Variants in FADS6 observed in about 807,000 individuals in gnomAD.
FADS6 encodes the protein fatty acid desaturase domain family, member 6.
FADS6 carries 28 observed loss-of-function variants against 31.7 expected under a neutral mutation model. The observed-to-expected ratio is 0.88, with a 90% CI of 0.66 to 1.21. The LOEUF (loss-of-function observed/expected upper bound fraction) is 1.21, where lower values mean the gene tolerates loss of function less well. Ranked by LOEUF, FADS6 falls within the 50% of genes most tolerant of loss-of-function variation. FADS6 has a pLI of 0.00. For missense variants in FADS6, 494 were observed against 504.2 expected, an observed-to-expected ratio of 0.98 and a Z score of 0.19; for synonymous variants, 191 against 213.1, an observed-to-expected ratio of 0.90 and a Z score of 0.90.
intron 4 of FADS6, among the ~76,000 whole-genome samples, chr17:74,880,520 A>C (rs571733508): frequency 6.6e-6 from 1 of 151,772 alleles, no homozygotes; most frequent in Non-Finnish European, 1.5e-5. Context: ...ATGCCCAGCT[A>C]ATTTTTGTGT....
chr17:74,882,756 A>G, intron 2 of FADS6, 46 bp from the exon 3 acceptor site: 1 of 1,576,198 alleles, frequency 6.3e-7, no homozygotes, highest in Non-Finnish European at 8.6e-7. Context: ...TGTCAGGCAC[A>G]GTTGAGCAAT....
At chr17:74,881,744 A>AG (rs566685079) in intron 3 of FADS6, among the ~76,000 whole-genome samples, 1 of 151,638 alleles carries the variant, frequency 6.6e-6, no homozygotes, top group South Asian at 2.1e-4. Flanking sequence ...AAAAAAAAAA[A>AG]AAAGAAAGAA....
At chr17:74,882,880 C>T in intron 2 of FADS6, 170 bp from the exon 3 acceptor site, 1 of 1,481,502 alleles carries the variant, frequency 6.7e-7, no homozygotes, top group Non-Finnish European at 9.0e-7. Flanking sequence ...TCTCAGGTAT[C>T]TATGACCACG....
chr17:74,889,383 A>G (rs2038664005), intron 2 of FADS6, among the ~76,000 whole-genome samples: 1 of 152,250 alleles, frequency 6.6e-6, no homozygotes, highest in African/African-American at 2.4e-5. Context: ...AAGACATGGG[A>G]GGAGAGTCAG....
At chr17:74,882,449 T>C in intron 3 of FADS6, 81 bp downstream of exon 3, 1 of 1,463,590 alleles carries the variant, frequency 6.8e-7, no homozygotes. Flanking sequence ...ATAAGCAGCC[T>C]CCATGAAGCC....
intron 2 of FADS6, among the ~76,000 whole-genome samples, chr17:74,886,458 TAAAAAAAAA>T (rs60503024): frequency 4.8e-5 from 4 of 82,926 alleles, no homozygotes; most frequent in Admixed American, 1.4e-4. Context: ...AAATCCTGTC[TAAAAAAAAA>T]AAAAAAAAAA....
At chr17:74,880,930 G>T in intron 4 of FADS6, 138 bp downstream of exon 4, 1 of 880,980 alleles carries the variant, frequency 1.1e-6, no homozygotes, top group Non-Finnish European at 1.7e-6. Context: ...CGAGGGCACA[G>T]TGTGATGAGA....
At chr17:74,890,787 G>C (rs575245083) in intron 2 of FADS6, among the ~76,000 whole-genome samples, 1 of 152,214 alleles carries the variant, frequency 6.6e-6, no homozygotes, top group South Asian at 2.1e-4. Context: ...CGCTCCAGTA[G>C]AGAAGCCCAG....
At chr17:74,880,924 G>A in intron 4 of FADS6, 144 bp downstream of exon 4, 1 of 834,668 alleles carries the variant, frequency 1.2e-6, no homozygotes, top group South Asian at 1.9e-5. Flanking sequence ...ACGAGGCGAG[G>A]GCACAGTGTG....
chr17:74,888,142 A>C (rs1318380906), intron 2 of FADS6, among the ~76,000 whole-genome samples: 3 of 109,752 alleles, frequency 2.7e-5, no homozygotes, highest in Non-Finnish European at 3.5e-5. Flanking sequence ...ACACACACAC[A>C]CACACACACA....
rs1315094689 is a variant in FADS6, at chr17:74,877,975, C to G, written c.*356G>C. ...GCCCCCTGCTATCTCCCAGGTGGCC[C>G]CTGCACAGGATCCCTCTTCACCCTG... is the stretch of plus-strand genomic sequence containing the variant. On this transcript the variant is annotated 3_prime_UTR_variant, in exon 6 of 6. Transcript: ENST00000612771. 9.7e-7 allele frequency: 1 copy of G among 1,026,202 alleles called. No individual in the cohort carries two copies. Among genetic ancestry groups the G allele is most frequent in the African/African-American group, 1.7e-5 (1 of 58,356 alleles). 63.6% of individuals were successfully genotyped at this position (1,026,202 alleles called of 1,614,324 possible).
rs1475916897 is a variant in FADS6, at chr17:74,877,548, T to C, written c.*783A>G. The C allele has an allele frequency of 3.8e-6, 1 of 261,248 alleles. No individual in the cohort carries two copies. The highest frequency in any genetic ancestry group is 5.9e-6 in the Non-Finnish European group (1 of 168,242). The allele number at this position is 261,248 out of a possible 1,614,324, so 16.2% of individuals were successfully genotyped here. A position where few individuals can be genotyped will look rare whatever the true frequency, so the allele number is the denominator to read the frequency against. ...CGGGGTTTCACCATGTTGGCCAGGG[T>C]GGTCTCGAGCTCCTGATCTCGCGAT... On this transcript the variant is annotated 3_prime_UTR_variant, in exon 6 of 6. Coordinates refer to ENST00000612771, the MANE Select transcript of FADS6 (RefSeq NM_178128.6).
chr17:74,888,441 TG>T (rs2038654292), intron 2 of FADS6, among the ~76,000 whole-genome samples: 1 of 152,058 alleles, frequency 6.6e-6, no homozygotes, highest in Admixed American at 6.6e-5. Flanking sequence ...GAGGTTTGCG[TG>T]GGAACAGGCA....
In FADS6 at chr17:74,878,271, C is replaced by T; in HGVS notation, c.*60G>A. 6.5e-7 allele frequency: 1 copy of T among 1,543,116 alleles called. No homozygotes were observed. Among genetic ancestry groups the T allele is most frequent in the Non-Finnish European group, 8.7e-7 (1 of 1,144,082 alleles). On this transcript the variant is annotated 3_prime_UTR_variant, in exon 6 of 6. Coordinates refer to ENST00000612771, the MANE Select transcript of FADS6 (RefSeq NM_178128.6). ...TGAGCCACACCCCCTGGACCAGCAG[C>T]AGCAGGAGGGCCAGGGCCAGGCCAG...
intron 2 of FADS6, among the ~76,000 whole-genome samples, chr17:74,889,262 G>A (rs1405189849): frequency 6.6e-6 from 1 of 152,116 alleles, no homozygotes; most frequent in Non-Finnish European, 1.5e-5. Flanking sequence ...ACACCAAAAG[G>A]AGCCCAGGGC....
Position 74,886,372 on chromosome 17 carries a change from A to C in FADS6, c.412-3662T>G, listed in dbSNP as rs960013151. On this transcript the variant is annotated intron_variant, in intron 2 of 5. Transcript: ENST00000612771. ...CTACTTGGGAGGCTGAGGTAAGAGAATCACTGAAACCCACGAGGTGGAGGC... is the reference window on the plus strand; with the variant it reads ...CTACTTGGGAGGCTGAGGTAAGAGACTCACTGAAACCCACGAGGTGGAGGC... Among the ~76,000 whole-genome samples the C allele has an allele frequency of 3.3e-4, 49 of 150,688 alleles. 2 individuals carry two copies. The South Asian group carries it at 9.3e-3, about 29-fold the overall frequency.
At chr17:74,893,033 T>G (rs924124326) in intron 1 of FADS6, among the ~76,000 whole-genome samples, 1 of 151,710 alleles carries the variant, frequency 6.6e-6, no homozygotes, top group African/African-American at 2.4e-5. Flanking sequence ...AAGAACACCG[T>G]CTCCCTTCCC....
chr17:74,892,741 G>C, intron 1 of FADS6, 52 bp from the exon 2 acceptor site: 1 of 1,529,006 alleles, frequency 6.5e-7, no homozygotes, highest in Non-Finnish European at 8.8e-7. Flanking sequence ...TGGGTGATCT[G>C]GGCCCAAATA....
chr17:74,884,796 C>T (rs1312052986), intron 2 of FADS6, among the ~76,000 whole-genome samples: 2 of 152,042 alleles, frequency 1.3e-5, no homozygotes, highest in Non-Finnish European at 2.9e-5. Context: ...CAACCTCCAC[C>T]TCCCGGGTTC....
Sources: allele counts gnomAD v4.1 joint callset (sites outside exome capture counted in the v4.1 genomes callset), GRCh38; gene constraint gnomAD v4.1.1; transcripts MANE v1.5; gene names NCBI Gene and HGNC (gene_info 2026-07-23, HGNC 2026-07-21).